IQSEC3: variants seen among roughly 807,000 people sequenced by gnomAD.
IQSEC3 encodes the protein IQ motif and Sec7 domain ArfGEF 3.
A neutral mutation model predicts 105.4 loss-of-function variants in IQSEC3; 50 were observed. That is an observed-to-expected ratio of 0.47 (90% CI 0.38 to 0.60). The LOEUF (loss-of-function observed/expected upper bound fraction) is 0.60, where lower values mean the gene tolerates loss of function less well. Ranked by LOEUF, IQSEC3 falls within the 20% of genes least tolerant of loss-of-function variation. The pLI is 0.00. For missense variants in IQSEC3, 1,415 were observed against 1,630.0 expected (o/e 0.87, Z 2.27); for synonymous variants, 708 against 746.0 (o/e 0.95, Z 0.83).
At position 102,828 on chromosome 12, in the gene IQSEC3, TAC is replaced by T. The variant is rs1345555304; in HGVS notation, c.623+3616_623+3617del. Among the ~76,000 whole-genome samples the T allele has an allele frequency of 3.9e-5, 6 of 152,024 alleles. No individual in the cohort carries two copies. The East Asian group carries it at 1.2e-3, about 29-fold the overall frequency. ...AAGGGAGGGCGTCAGCGATCTGGAG[TAC>T]AGTGGAGCAGCTACGGGGCTGGCAA... On this transcript the variant is annotated intron_variant, in intron 2 of 13. Coordinates refer to ENST00000538872, the MANE Select transcript of IQSEC3 (RefSeq NM_001170738.2).
chr12:123,120 A>G (rs1022386840), intron 2 of IQSEC3, among the ~76,000 whole-genome samples: 1 of 152,204 alleles, frequency 6.6e-6, no homozygotes, highest in Non-Finnish European at 1.5e-5. Context: ...AAAGATGTCT[A>G]GAGGCTGGGC....
At position 91,156 on chromosome 12, in the gene IQSEC3, C is replaced by T. The variant is rs117347787; in HGVS notation, c.555-7990C>T. 4.2e-3 allele frequency among the ~76,000 whole-genome samples: 644 copies of T among 152,266 alleles called. 5 individuals are homozygous for T. Among genetic ancestry groups the T allele is most frequent in the East Asian group, 0.027 (139 of 5,178 alleles). ...CTTCAGAGTTGCCCCCTGGGACTTC[C>T]GGCTTGGCCTCCTTTATTCTCCTGC... is the stretch of plus-strand genomic sequence containing the variant. On this transcript the variant is annotated intron_variant, in intron 1 of 13. Transcript: ENST00000538872.
intron 8 of IQSEC3, among the ~76,000 whole-genome samples, chr12:162,939 C>A (rs1866963323): frequency 6.6e-6 from 1 of 152,096 alleles, no homozygotes; most frequent in Admixed American, 6.5e-5. Flanking sequence ...GAACAGCCTG[C>A]AAGCTCTTCT....
intron 1 of IQSEC3, among the ~76,000 whole-genome samples, chr12:74,009 A>G: frequency 6.6e-6 from 1 of 152,264 alleles, no homozygotes; most frequent in East Asian, 1.9e-4. Flanking sequence ...AAGGATATCA[A>G]AGAGATCTGA....
At chr12:137,518 A>G (rs1555086782) in intron 3 of IQSEC3, 1 of 152,004 alleles carries the variant, frequency 6.6e-6, no homozygotes, top group Non-Finnish European at 1.5e-5. Context: ...TATTAACATT[A>G]ATATTGTGTC....
chr12:125,968 G>A (rs1565414721), intron 3 of IQSEC3, 56 bp downstream of exon 3: 15 of 1,485,404 alleles, frequency 1.0e-5, no homozygotes, highest in East Asian at 2.5e-5. Flanking sequence ...CTGCTTTGGG[G>A]GCTGTCGAGG....
At position 138,444 on chromosome 12, in the gene IQSEC3, G is replaced by A; in HGVS notation, c.1081G>A (p.Ala361Thr). 1 of 1,605,034 alleles carries A rather than the reference G, an allele frequency of 6.2e-7. No homozygotes were observed. ...ISLRKVRSPT[A>T]ESLAAEKALM... ...CCTGCGCAAGGTGCGGTCACCCACG[G>A]CCGAGAGCCTGGCGGCCGAGAAAGC... is the stretch of plus-strand genomic sequence containing the variant. The change falls in exon 4 of 14, where the codon GCC becomes ACC. Residue 361 changes from alanine to threonine, a missense_variant. Coordinates refer to ENST00000538872, the MANE Select transcript of IQSEC3 (RefSeq NM_001170738.2). The surrounding 1 kb of genome is among the most constrained non-coding windows in gnomAD (Gnocchi z 7.1).
chr12:95,316 T>C (rs1864211338), intron 1 of IQSEC3, among the ~76,000 whole-genome samples: 1 of 152,234 alleles, frequency 6.6e-6, no homozygotes, highest in South Asian at 2.1e-4. Context: ...GCATCAATTA[T>C]TAGTCTATGA....
chr12:144,991 C>A (rs574851945), intron 5 of IQSEC3, among the ~76,000 whole-genome samples: 3 of 152,358 alleles, frequency 2.0e-5, no homozygotes, highest in Non-Finnish European at 4.4e-5. Context: ...GCCACCACAC[C>A]TGGCTAATTG....
intron 5 of IQSEC3, 89 bp downstream of exon 5, chr12:141,374 G>T: frequency 1.4e-6 from 2 of 1,381,164 alleles, no homozygotes; most frequent in Non-Finnish European, 2.0e-6. Flanking sequence ...TGAAATCCTC[G>T]CTCCAGTTCT....
At chr12:73,660 A>G (rs1382222877) in intron 1 of IQSEC3, among the ~76,000 whole-genome samples, 1 of 152,096 alleles carries the variant, frequency 6.6e-6, no homozygotes, top group African/African-American at 2.4e-5. Flanking sequence ...ACAGAGCGAG[A>G]CTCCATGACC....
At chr12:147,522 C>A (rs1000670357) in intron 5 of IQSEC3, among the ~76,000 whole-genome samples, 5 of 152,164 alleles carry the variant, frequency 3.3e-5, no homozygotes, top group Admixed American at 6.5e-5. Flanking sequence ...GAGCCCTTAA[C>A]CCTGCACCAT....
intron 1 of IQSEC3, among the ~76,000 whole-genome samples, chr12:68,398 GA>G (rs1863181934): frequency 6.6e-6 from 1 of 152,190 alleles, no homozygotes; most frequent in Non-Finnish European, 1.5e-5. Flanking sequence ...GGTGATCACT[GA>G]AATCTTGCCT....
rs564491779 is a variant in IQSEC3, at chr12:68,269, T to C, written c.554+833T>C. Among the ~76,000 whole-genome samples the C allele has an allele frequency of 5.9e-5, 9 of 152,096 alleles. No individual in the cohort carries two copies. The South Asian group carries it at 1.5e-3, about 25-fold the overall frequency. On this transcript the variant is annotated intron_variant, in intron 1 of 13. Coordinates refer to ENST00000538872, the MANE Select transcript of IQSEC3 (RefSeq NM_001170738.2). ...TTTCATACAGGGTGTTTGGCCGTTG[T>C]TGAAAGGGAGCAATGACATGGGGGA...
chr12:176,977 T>A lies in IQSEC3; in HGVS notation c.*1944T>A, dbSNP rs1282268114. 6.6e-6 allele frequency: 1 copy of A among 152,016 alleles called. No individual in the cohort carries two copies. Among genetic ancestry groups the A allele is most frequent in the Non-Finnish European group, 1.5e-5 (1 of 68,068 alleles). The allele number at this position is 152,016 out of a possible 1,614,324, so 9.4% of individuals were successfully genotyped here. On this transcript the variant is annotated 3_prime_UTR_variant, in exon 14 of 14. Transcript: ENST00000538872. This position sits in a 1 kb window ranked among gnomAD's most constrained non-coding sequence, Gnocchi z 4.0. ...AGCTGTGGGGATGGGAGTGGAGGAA[T>A]CAAAATGAGGGAAGCTGAAAATAGA...
intron 1 of IQSEC3, among the ~76,000 whole-genome samples, chr12:73,563 G>A (rs1310185770): frequency 2.0e-5 from 3 of 152,166 alleles, no homozygotes; most frequent in South Asian, 2.1e-4. Context: ...CCAGCTACTC[G>A]GGAGGCTGAG....
At chr12:111,558 C>G (rs971140859) in intron 2 of IQSEC3, 1 of 152,292 alleles carries the variant, frequency 6.6e-6, no homozygotes, top group African/African-American at 2.4e-5. Flanking sequence ...GTTTCTTACA[C>G]ACCCCAAGAC....
At position 141,189 on chromosome 12, in the gene IQSEC3, T is replaced by G; in HGVS notation, c.2057T>G (p.Val686Gly). The G allele has an allele frequency of 6.2e-7, 1 of 1,613,504 alleles. No individual in the cohort carries two copies. The highest frequency in any genetic ancestry group is 1.1e-5 in the South Asian group (1 of 91,014). ...RGFIPDTPIG[V>G]AHFLLQRKGL... ...TTCATCCCGGACACCCCCATCGGTG[T>G]GGCCCATTTCCTCCTCCAGCGAAAG... Residue 686 changes from valine (V) to glycine (G), a missense_variant, in exon 5 of 14, where the codon GTG (valine) becomes GGG (glycine). Physicochemically the swap from Val to Gly is moderately radical, Grantham distance 109 (BLOSUM62 -3). Transcript: ENST00000538872.
At chr12:69,927 G>A (rs1291782773) in intron 1 of IQSEC3, among the ~76,000 whole-genome samples, 1 of 152,268 alleles carries the variant, frequency 6.6e-6, no homozygotes, top group African/African-American at 2.4e-5. Context: ...TCTCCATGGA[G>A]AGGGAGAGGT....
Sources: gnomAD v4.1 joint callset for allele counts (sites outside exome capture counted in the v4.1 genomes callset) on GRCh38, gnomAD v4.1.1 for gene constraint, Gnocchi (gnomAD v3.1) non-coding constraint, MANE v1.5 for transcripts, NCBI Gene and HGNC (gene_info 2026-07-23, HGNC 2026-07-21) for gene names.